GFRA2: variants seen among roughly 807,000 people sequenced by gnomAD.
GFRA2 encodes GDNF family receptor alpha 2, also known as GDNF family receptor alpha-2.
In GFRA2, 17 loss-of-function variants were observed where a neutral mutation model predicts 48.3. The observed-to-expected ratio is 0.35, with a 90% CI of 0.24 to 0.53. The LOEUF is 0.53. Among genes scored for constraint, GFRA2 ranks in the 20% least tolerant of loss-of-function variants. GFRA2 has a pLI of 0.93. For synonymous variants in GFRA2, 305 were observed against 257.2 expected (o/e 1.19, Z -1.78); for missense variants, 660 against 637.3 (o/e 1.04, Z -0.38).
chr8:21,759,032 G>T (rs59621852), intron 3 of GFRA2, among the ~76,000 whole-genome samples: 7,780 of 152,264 alleles, frequency 0.051, 332 homozygotes, highest in East Asian at 0.19. Flanking sequence ...GTGCAGGAAA[G>T]AAAGAATCTT....
chr8:21,758,587 C>T (rs1805708634), intron 3 of GFRA2, among the ~76,000 whole-genome samples: 1 of 152,108 alleles, frequency 6.6e-6, no homozygotes, highest in Non-Finnish European at 1.5e-5. Flanking sequence ...AACGTGGGTC[C>T]TAATTCTGTC....
intron 3 of GFRA2, among the ~76,000 whole-genome samples, chr8:21,758,174 G>A (rs1352235317): frequency 1.3e-5 from 2 of 149,498 alleles, no homozygotes; most frequent in Non-Finnish European, 3.0e-5. Context: ...CAAAGCTTAG[G>A]GGAGGAGCAG....
chr8:21,694,356 A>C, intron 8 of GFRA2, 108 bp downstream of exon 8: 3 of 1,080,786 alleles, frequency 2.8e-6, no homozygotes, highest in Non-Finnish European at 4.1e-6. Flanking sequence ...CAGCTGGCCC[A>C]GCCCATGCGA....
At chr8:21,732,054 G>A (rs550916256) in intron 4 of GFRA2, among the ~76,000 whole-genome samples, 1 of 152,362 alleles carries the variant, frequency 6.6e-6, no homozygotes, top group Admixed American at 6.5e-5. Flanking sequence ...AGTCGGGCCA[G>A]GCCCTGGGCC....
intron 4 of GFRA2, among the ~76,000 whole-genome samples, chr8:21,735,253 A>G (rs1327953349): frequency 6.6e-6 from 1 of 152,200 alleles, no homozygotes; most frequent in Non-Finnish European, 1.5e-5. Flanking sequence ...CATCCCATGG[A>G]GTCCATCAAC....
At chr8:21,780,934 C>G (rs2117734799) in intron 2 of GFRA2, 1 of 152,096 alleles carries the variant, frequency 6.6e-6, no homozygotes, top group South Asian at 2.1e-4. Flanking sequence ...TAGGCCTGTG[C>G]AACATAACGA....
At chr8:21,767,165 ACAC>A (rs1248126318) in intron 3 of GFRA2, among the ~76,000 whole-genome samples, 3 of 146,970 alleles carry the variant, frequency 2.0e-5, no homozygotes, top group Non-Finnish European at 3.0e-5. Flanking sequence ...ACATATACAC[ACAC>A]CACCACAAAC....
At chr8:21,763,289 A>G (rs1293562523) in intron 3 of GFRA2, among the ~76,000 whole-genome samples, 2 of 152,174 alleles carry the variant, frequency 1.3e-5, no homozygotes, top group African/African-American at 4.8e-5. Context: ...AGAAGTGGCT[A>G]TTGGGCAGCT....
At chr8:21,790,228 G>A, upstream of GFRA2, 4 of 262,396 alleles carry the variant, frequency 1.5e-5, no homozygotes, top group Non-Finnish European at 2.4e-5. Context: ...TCACACCCAC[G>A]CAGCCCGGCA....
chr8:21,702,957 C>G lies in GFRA2; in HGVS notation c.1066G>C (p.Gly356Arg). Residue 356 changes from glycine (G) to arginine (R), a missense_variant, in exon 7 of 9, where the codon GGC becomes CGC. By Grantham distance (125) the Gly-to-Arg change is moderately radical. Transcript: ENST00000524240. ...GACACGTTCACGTCCGTGCCGTTGCCAAAGGCCTGGATGGCGTTCCCTGGG... is the reference window on the plus strand; with the variant it reads ...GACACGTTCACGTCCGTGCCGTTGCGAAAGGCCTGGATGGCGTTCCCTGGG... ...PCLRNAIQAF[G>R]NGTDVNVSPK... 6.5e-7 allele frequency: 1 copy of G among 1,537,588 alleles called. No individual in the cohort carries two copies. The highest frequency in any genetic ancestry group is 8.7e-7 in the Non-Finnish European group (1 of 1,148,822).
rs146733410 is a variant in GFRA2, at chr8:21,732,035, T to C, written c.794+18553A>G. On this transcript the variant is annotated intron_variant, in intron 4 of 8. Coordinates refer to ENST00000524240, the MANE Select transcript of GFRA2 (RefSeq NM_001495.5). ...CATTTAAGAACTTCACAAGTATTTA[T>C]GGGCCCTGAGTCGGGCCAGGCCCTG... Among the ~76,000 whole-genome samples the C allele has an allele frequency of 4.2e-3, 633 of 152,350 alleles. 10 individuals carry two copies. In the East Asian group the frequency reaches 0.049, roughly 12 times the overall value.
chr8:21,747,756 CCACA>C (rs61578379), intron 4 of GFRA2, among the ~76,000 whole-genome samples: 2,942 of 138,874 alleles, frequency 0.021, 48 homozygotes, highest in African/African-American at 0.03. Flanking sequence ...CCATCTTCCA[CCACA>C]CACACACACA....
intron 2 of GFRA2, among the ~76,000 whole-genome samples, chr8:21,776,899 C>T (rs1331573709): frequency 6.6e-6 from 1 of 152,134 alleles, no homozygotes; most frequent in Non-Finnish European, 1.5e-5. Flanking sequence ...TTGAGAAACT[C>T]CTTGGGGTGG....
At chr8:21,717,033 T>G (rs1466258797) in intron 4 of GFRA2, among the ~76,000 whole-genome samples, 1 of 152,224 alleles carries the variant, frequency 6.6e-6, no homozygotes, top group Non-Finnish European at 1.5e-5. Context: ...TCCAGCCAGG[T>G]CAGCCGGCTG....
At chr8:21,718,466 A>T (rs1191579678) in intron 4 of GFRA2, among the ~76,000 whole-genome samples, 1 of 152,218 alleles carries the variant, frequency 6.6e-6, no homozygotes, top group Non-Finnish European at 1.5e-5. Context: ...GGATTAAATG[A>T]AATACCTAGT....
intron 4 of GFRA2, among the ~76,000 whole-genome samples, chr8:21,746,243 C>T (rs993024544): frequency 2.6e-5 from 4 of 152,144 alleles, no homozygotes; most frequent in Non-Finnish European, 5.9e-5. Context: ...TCTGTGGCTC[C>T]GGATGCATGT....
chr8:21,787,917 G>A (rs1014011768), intron 1 of GFRA2, among the ~76,000 whole-genome samples: 3 of 152,020 alleles, frequency 2.0e-5, no homozygotes, highest in African/African-American at 7.2e-5. Context: ...CGATCCCCCT[G>A]CGTCGCCAGC....
intron 4 of GFRA2, among the ~76,000 whole-genome samples, chr8:21,747,430 G>A (rs913045967): frequency 4.6e-5 from 7 of 152,072 alleles, no homozygotes; most frequent in African/African-American, 7.2e-5. Context: ...ATCTTCAATC[G>A]CCTCAATCGG....
chr8:21,735,626 A>C (rs1804418684), intron 4 of GFRA2, among the ~76,000 whole-genome samples: 1 of 152,178 alleles, frequency 6.6e-6, no homozygotes, highest in South Asian at 2.1e-4. Flanking sequence ...AGCCCAAATG[A>C]AAGAAACAAC....
Sources: allele counts gnomAD v4.1 joint callset (sites outside exome capture counted in the v4.1 genomes callset), GRCh38; gene constraint gnomAD v4.1.1; transcripts MANE v1.5; gene names NCBI Gene and HGNC (gene_info 2026-07-23, HGNC 2026-07-21).